The following ST6GAL2 variants were observed in gnomAD, a reference collection of about 807,000 sequenced individuals.
ST6GAL2 encodes the protein beta-galactoside alpha-2,6-sialyltransferase 2.
A neutral mutation model predicts 37.5 loss-of-function variants in ST6GAL2; 24 were observed. The observed-to-expected ratio is 0.64, with a 90% confidence interval of 0.46 to 0.90. The LOEUF is 0.90. Ranked by LOEUF, ST6GAL2 falls within the 40% of genes least tolerant of loss-of-function variation. The probability of loss-of-function intolerance (pLI) is 0.00; values close to 1 mark genes in which losing one functional copy is unlikely to be tolerated. For missense variants in ST6GAL2, 715 were observed against 712.7 expected (o/e 1.00, Z -0.04); for synonymous variants, 306 against 295.1 (o/e 1.04, Z -0.38).
chr2:106,821,166 G>T (rs1675988087), intron 5 of ST6GAL2, among the ~76,000 whole-genome samples: 1 of 151,562 alleles, frequency 6.6e-6, no homozygotes, highest in Non-Finnish European at 1.5e-5. Flanking sequence ...AAATTGAAAT[G>T]AAGAAAATGA....
At chr2:106,836,532 G>C (rs1042359517) in intron 2 of ST6GAL2, among the ~76,000 whole-genome samples, 11 of 151,820 alleles carry the variant, frequency 7.2e-5, no homozygotes, top group African/African-American at 2.4e-4. Flanking sequence ...ATTGTACAAT[G>C]ATCAGCTGAA....
rs545936305 is a variant in ST6GAL2, at chr2:106,812,250, C to G, written c.1319-5301G>C. Among the ~76,000 whole-genome samples, 7 of 152,350 alleles carry G rather than the reference C, an allele frequency of 4.6e-5. No homozygotes were observed. In the South Asian group the frequency reaches 1.4e-3, roughly 32 times the overall value. Reference sequence around the variant, plus strand: ...GAAGAGAGGCCAAACTGACCAGCGCCTGCTCTCTAACGTCTCACCTCCAGA... The same window carrying G: ...GAAGAGAGGCCAAACTGACCAGCGCGTGCTCTCTAACGTCTCACCTCCAGA... On this transcript the variant is annotated intron_variant, in intron 5 of 5. Coordinates refer to ENST00000409382, the MANE Select transcript of ST6GAL2 (RefSeq NM_001142351.2).
intron 1 of ST6GAL2, among the ~76,000 whole-genome samples, chr2:106,882,525 A>C (rs1389805694): frequency 6.6e-6 from 1 of 152,220 alleles, no homozygotes; most frequent in East Asian, 1.9e-4. Flanking sequence ...TTGAATTACT[A>C]CCATCTCCTG....
At position 106,804,366 on chromosome 2, in the gene ST6GAL2, C is replaced by A. The variant is rs1444796085; in HGVS notation, c.*2312G>T. On this transcript the variant is annotated 3_prime_UTR_variant, in exon 6 of 6. Coordinates refer to ENST00000409382, the MANE Select transcript of ST6GAL2 (RefSeq NM_001142351.2). ...ATAGTAAGGATGTCTACAAGTAAATCCACTTGCAAAACTATAAAAGGAGCT... is the reference window on the plus strand; with the variant it reads ...ATAGTAAGGATGTCTACAAGTAAATACACTTGCAAAACTATAAAAGGAGCT... 1.3e-5 allele frequency: 2 copies of A among 152,104 alleles called. No individual in the cohort carries two copies. Among genetic ancestry groups the A allele is most frequent in the Non-Finnish European group, 2.9e-5 (2 of 68,024 alleles). The allele number at this position is 152,104 out of a possible 1,614,324, so 9.4% of individuals were successfully genotyped here. A position where few individuals can be genotyped will look rare whatever the true frequency, so the allele number is the denominator to read the frequency against.
chr2:106,875,623 C>A (rs1678471639), intron 1 of ST6GAL2, among the ~76,000 whole-genome samples: 1 of 152,298 alleles, frequency 6.6e-6, no homozygotes, highest in African/African-American at 2.4e-5. Flanking sequence ...TATTTACATT[C>A]ATTGTTTCCA....
chr2:106,827,397 T>C (rs1385243258), intron 5 of ST6GAL2, among the ~76,000 whole-genome samples: 1 of 152,194 alleles, frequency 6.6e-6, no homozygotes, highest in Non-Finnish European at 1.5e-5. Flanking sequence ...GGAGTTTTTC[T>C]GAGCAGAACT....
chr2:106,832,400 C>T (rs986037113), intron 4 of ST6GAL2, among the ~76,000 whole-genome samples, 165 bp downstream of exon 4: 2 of 152,220 alleles, frequency 1.3e-5, no homozygotes, highest in African/African-American at 4.8e-5. Context: ...CACAAGTGTG[C>T]TATTGTAACT....
intron 1 of ST6GAL2, among the ~76,000 whole-genome samples, chr2:106,857,103 A>G (rs1677603693): frequency 6.6e-6 from 1 of 152,226 alleles, no homozygotes; most frequent in South Asian, 2.1e-4. Flanking sequence ...GCTGTGGTAG[A>G]GTAGTATCGA....
intron 2 of ST6GAL2, among the ~76,000 whole-genome samples, chr2:106,837,656 A>G (rs916157456): frequency 6.6e-6 from 1 of 151,980 alleles, no homozygotes; most frequent in Non-Finnish European, 1.5e-5. Context: ...CCTCAATCTC[A>G]GTTCTCTCCA....
chr2:106,859,360 T>TATATACTG lies in ST6GAL2; in HGVS notation c.-57-15334_-57-15327dup, dbSNP rs1236338909. 2.0e-5 allele frequency among the ~76,000 whole-genome samples: 3 copies of TATATACTG among 152,338 alleles called. No individual in the cohort carries two copies. The East Asian group carries it at 5.8e-4, about 29-fold the overall frequency. On this transcript the variant is annotated intron_variant, in intron 1 of 5. Coordinates refer to ENST00000409382, the MANE Select transcript of ST6GAL2 (RefSeq NM_001142351.2). ...ATAGTTATAATTGTGCTGTGTTCTCTATATACTGATGTTGATATCTATACC... is the reference window on the plus strand; with the variant it reads ...ATAGTTATAATTGTGCTGTGTTCTCTATATACTGATATACTGATGTTGATATCTATACC...
At chr2:106,876,166 A>C (rs1198964411) in intron 1 of ST6GAL2, among the ~76,000 whole-genome samples, 2 of 152,030 alleles carry the variant, frequency 1.3e-5, no homozygotes, top group Non-Finnish European at 2.9e-5. Flanking sequence ...TTTTTTTCAT[A>C]TAAATATTAT....
intron 1 of ST6GAL2, among the ~76,000 whole-genome samples, chr2:106,880,539 G>A (rs1043726632): frequency 6.6e-6 from 1 of 152,222 alleles, no homozygotes; most frequent in Non-Finnish European, 1.5e-5. Context: ...CATGATGTCT[G>A]CTATTGTCAT....
At chr2:106,851,752 C>T (rs150204581) in intron 1 of ST6GAL2, among the ~76,000 whole-genome samples, 2 of 151,208 alleles carry the variant, frequency 1.3e-5, no homozygotes, top group East Asian at 1.9e-4. Context: ...GTCTGAGACA[C>T]ACTCACGTCC....
intron 4 of ST6GAL2, among the ~76,000 whole-genome samples, chr2:106,830,932 A>G (rs2104469292): frequency 6.6e-6 from 1 of 152,338 alleles, no homozygotes; most frequent in East Asian, 1.9e-4. Flanking sequence ...ATATTTGCTT[A>G]CACCATGTAT....
intron 1 of ST6GAL2, among the ~76,000 whole-genome samples, chr2:106,863,261 C>G (rs1677881732): frequency 6.6e-6 from 1 of 152,054 alleles, no homozygotes; most frequent in Non-Finnish European, 1.5e-5. Flanking sequence ...GGAAAGGGAC[C>G]GAAATACTTA....
intron 1 of ST6GAL2, among the ~76,000 whole-genome samples, chr2:106,875,174 C>T (rs201315899): frequency 1.6e-3 from 202 of 128,896 alleles, no homozygotes; most frequent in South Asian, 6.3e-3. Context: ...TTTTTTGTTT[C>T]TTTTTTTTTT....
Position 106,843,069 on chromosome 2 carries a change from G to C in ST6GAL2, c.909C>G (p.Gly303=). The C allele has an allele frequency of 6.7e-7, 1 of 1,484,520 alleles. No individual in the cohort carries two copies. The highest frequency in any genetic ancestry group is 8.9e-7 in the Non-Finnish European group (1 of 1,119,486). 92.0% of individuals were successfully genotyped at this position (1,484,520 alleles called of 1,614,324 possible). ...LRSCAVVMSA[G]AILNSSLGEE... is the part of the protein sequence containing the mutation. ...CGCCCAAGGAAGAGTTGAGGATTGC[G>C]CCTGCAGACATGACGACAGCGCAGC... is the stretch of plus-strand genomic sequence containing the variant. The change falls in exon 2 of 6, where the codon GGC becomes GGG. Residue 303 remains glycine, a synonymous_variant. Coordinates refer to ENST00000409382, the MANE Select transcript of ST6GAL2 (RefSeq NM_001142351.2).
intron 1 of ST6GAL2, among the ~76,000 whole-genome samples, chr2:106,879,839 T>C (rs778657107): frequency 4.7e-5 from 7 of 147,880 alleles, no homozygotes; most frequent in Non-Finnish European, 1.0e-4. Flanking sequence ...AATTAATCTA[T>C]ATATAATCTA....
At chr2:106,839,925 G>A (rs1676806517) in intron 2 of ST6GAL2, among the ~76,000 whole-genome samples, 1 of 152,230 alleles carries the variant, frequency 6.6e-6, no homozygotes, top group Non-Finnish European at 1.5e-5. Flanking sequence ...CACAGTGGAA[G>A]TGTTTACAAC....
Sources: allele counts gnomAD v4.1 joint callset (sites outside exome capture counted in the v4.1 genomes callset), GRCh38; gene constraint gnomAD v4.1.1; transcripts MANE v1.5; gene names NCBI Gene and HGNC (gene_info 2026-07-23, HGNC 2026-07-21).